RORA: variants seen among roughly 807,000 people sequenced by gnomAD.
RORA encodes the protein nuclear receptor ROR-alpha.
Under a neutral mutation model 69.5 loss-of-function variants are expected in RORA, and 7 were observed. The ratio of observed to expected loss-of-function variants is 0.10; its 90% CI spans 0.06 to 0.19. RORA has a LOEUF of 0.19. RORA is among the 10% of genes least tolerant of loss of function. The pLI is 1.00. For synonymous variants in RORA, 261 were observed against 240.8 expected (o/e 1.08, Z -0.78); for missense variants, 457 against 663.0 (o/e 0.69, Z 3.41).
intron 1 of RORA, among the ~76,000 whole-genome samples, chr15:60,945,498 C>T (rs376457457): frequency 6.6e-6 from 1 of 152,182 alleles, no homozygotes; most frequent in East Asian, 1.9e-4. Flanking sequence ...GCTCTCCAGG[C>T]TACAACTACC....
rs2066725242 is a variant in RORA at position 60,537,795 on chromosome 15, C to A, written c.197-5944G>T. On this transcript the variant is annotated intron_variant, in intron 2 of 10. Coordinates refer to ENST00000335670, the MANE Select transcript of RORA (RefSeq NM_134261.3). The surrounding 1 kb of genome is among the most constrained non-coding windows in gnomAD (Gnocchi z 4.9). ...TATTTTCTTCTCTTGATTTTGGATT[C>A]TTTCATGACAGTATTTCATCCTTGC... 6.6e-6 allele frequency among the ~76,000 whole-genome samples: 1 copy of A among 152,194 alleles called. No homozygotes were observed. Among genetic ancestry groups the A allele is most frequent in the African/African-American group, 2.4e-5 (1 of 41,444 alleles).
chr15:60,931,740 A>G (rs951197175), intron 1 of RORA, among the ~76,000 whole-genome samples: 1 of 152,214 alleles, frequency 6.6e-6, no homozygotes, highest in Non-Finnish European at 1.5e-5. Context: ...AAGAGATGGG[A>G]CATGGTCTGG....
At position 60,823,442 on chromosome 15, in the gene RORA, T is replaced by C. The variant is rs550412400; in HGVS notation, c.167-144756A>G. Among the ~76,000 whole-genome samples the C allele has an allele frequency of 8.9e-4, 135 of 152,316 alleles. 4 individuals carry two copies. In the South Asian group the frequency reaches 0.027, roughly 30 times the overall value. ...TTATACACTTGTTTATTTTATATCC[T>C]TTGCCTCCTCCCAACCTCAGATGGT... On this transcript the variant is annotated intron_variant, in intron 1 of 10. Transcript: ENST00000335670.
At chr15:60,793,127 T>C (rs1164097795) in intron 1 of RORA, among the ~76,000 whole-genome samples, 1 of 152,230 alleles carries the variant, frequency 6.6e-6, no homozygotes, top group Non-Finnish European at 1.5e-5. Flanking sequence ...TTTTAGTTTC[T>C]TCATTTATAA....
intron 1 of RORA, among the ~76,000 whole-genome samples, chr15:60,967,452 C>T (rs1305409040): frequency 6.6e-6 from 1 of 152,098 alleles, no homozygotes; most frequent in Non-Finnish European, 1.5e-5. Flanking sequence ...AAAGAAGTGC[C>T]CATGTCCCTG....
At chr15:60,920,520 C>G (rs1242447805) in intron 1 of RORA, among the ~76,000 whole-genome samples, 1 of 152,152 alleles carries the variant, frequency 6.6e-6, no homozygotes, top group Non-Finnish European at 1.5e-5. Flanking sequence ...CCTAAAGTCA[C>G]CAAGCTTTAC....
At chr15:61,065,103 A>T (rs1288497335) in intron 1 of RORA, among the ~76,000 whole-genome samples, 1 of 152,310 alleles carries the variant, frequency 6.6e-6, no homozygotes, top group Admixed American at 6.5e-5. Flanking sequence ...CTCAAATGTC[A>T]CTTCTTCCAG....
At chr15:60,592,854 G>T in intron 2 of RORA, 1 of 473,964 alleles carries the variant, frequency 2.1e-6, no homozygotes, top group Non-Finnish European at 4.1e-6. Context: ...CGCGGAACGC[G>T]CCTCTGACCA....
At chr15:60,800,483 C>T (rs1385732581) in intron 1 of RORA, among the ~76,000 whole-genome samples, 2 of 152,196 alleles carry the variant, frequency 1.3e-5, no homozygotes, top group African/African-American at 4.8e-5. Flanking sequence ...TATAAACCCA[C>T]AAGGAAGAGG....
intron 1 of RORA, among the ~76,000 whole-genome samples, chr15:60,839,177 C>T (rs2073163240): frequency 6.6e-6 from 1 of 152,146 alleles, no homozygotes; most frequent in African/African-American, 2.4e-5. Context: ...CGATTACAGG[C>T]GTGAGCCACC....
chr15:61,118,387 T>C (rs1178149388), intron 1 of RORA, among the ~76,000 whole-genome samples: 5 of 152,002 alleles, frequency 3.3e-5, no homozygotes, highest in Non-Finnish European at 1.5e-5. Context: ...TGGTGAGAAA[T>C]AGAAAAGCTA....
chr15:60,912,418 C>A (rs777659012), intron 1 of RORA, among the ~76,000 whole-genome samples: 1 of 136,924 alleles, frequency 7.3e-6, no homozygotes, highest in African/African-American at 2.7e-5. Flanking sequence ...AGAGGGAGAC[C>A]ATGCCTCAAA....
chr15:61,101,290 A>G (rs1055226655), intron 1 of RORA, among the ~76,000 whole-genome samples: 1 of 152,214 alleles, frequency 6.6e-6, no homozygotes, highest in African/African-American at 2.4e-5. Flanking sequence ...ACATAAATGA[A>G]TATCCAGTTG....
At position 60,525,055 on chromosome 15, in the gene RORA, T is replaced by TAAC. The variant is rs138419013; in HGVS notation, c.282+6708_282+6710dup. 4.2e-3 allele frequency among the ~76,000 whole-genome samples: 632 copies of TAAC among 151,934 alleles called. 27 individuals carry two copies. In the East Asian group the frequency reaches 0.11, roughly 26 times the overall value. On this transcript the variant is annotated intron_variant, in intron 3 of 10. Transcript: ENST00000335670. ...AGACAAACATGTAGGGCCGACTGAA[T>TAAC]AACAACAACAACAACAAAAGATGAA... is the stretch of plus-strand genomic sequence containing the variant.
intron 1 of RORA, among the ~76,000 whole-genome samples, chr15:60,845,562 C>G (rs2073255285): frequency 6.6e-6 from 1 of 152,176 alleles, no homozygotes. Context: ...GCTACTGAAT[C>G]TCAGCTCTGG....
chr15:60,990,815 CCAAGCA>C (rs1894352715), intron 1 of RORA, among the ~76,000 whole-genome samples: 1 of 151,968 alleles, frequency 6.6e-6, no homozygotes, highest in Non-Finnish European at 1.5e-5. Flanking sequence ...TTTGAGGGTG[CCAAGCA>C]TGAAACATTA....
intron 2 of RORA, among the ~76,000 whole-genome samples, chr15:60,610,921 G>C (rs947807482): frequency 6.6e-6 from 1 of 152,118 alleles, no homozygotes; most frequent in Non-Finnish European, 1.5e-5. Context: ...GATCATTGTC[G>C]ATAACTCCTC....
At chr15:60,847,183 A>G (rs1470393644) in intron 1 of RORA, among the ~76,000 whole-genome samples, 2 of 152,154 alleles carry the variant, frequency 1.3e-5, no homozygotes, top group East Asian at 3.8e-4. Flanking sequence ...AAATGGCCCT[A>G]TCTATAAAGA....
intron 1 of RORA, among the ~76,000 whole-genome samples, chr15:60,844,488 T>C (rs1176206849): frequency 2.0e-5 from 3 of 152,252 alleles, no homozygotes; most frequent in Middle Eastern, 3.4e-3. Flanking sequence ...TGGTAAAGTG[T>C]CATTTTACAA....
Sources: gnomAD v4.1 joint callset for allele counts (sites outside exome capture counted in the v4.1 genomes callset) on GRCh38, gnomAD v4.1.1 for gene constraint, Gnocchi (gnomAD v3.1) non-coding constraint, MANE v1.5 for transcripts, NCBI Gene and HGNC (gene_info 2026-07-23, HGNC 2026-07-21) for gene names.